HCRTR2: variants seen among roughly 807,000 people sequenced by gnomAD.
The protein encoded by HCRTR2 is hypocretin receptor 2, also known as orexin receptor type 2.
A neutral mutation model predicts 49.0 loss-of-function variants in HCRTR2; 22 were observed. The observed-to-expected ratio is 0.45, with a 90% CI of 0.32 to 0.64. HCRTR2 has a LOEUF of 0.64. Ranked by LOEUF, HCRTR2 falls within the 30% of genes least tolerant of loss-of-function variation. The probability of loss-of-function intolerance (pLI) is 0.04; values close to 1 mark genes in which losing one functional copy is unlikely to be tolerated. For missense variants in HCRTR2, 491 were observed against 559.4 expected (o/e 0.88, Z 1.23); for synonymous variants, 236 against 205.3 (o/e 1.15, Z -1.28).
chr6:55,244,841 G>T (rs906301787), intron 1 of HCRTR2, among the ~76,000 whole-genome samples: 1 of 151,950 alleles, frequency 6.6e-6, no homozygotes, highest in African/African-American at 2.4e-5. Flanking sequence ...ATTTGTATAT[G>T]GTGAGAGATA....
At chr6:55,217,768 C>T (rs1765815429) in intron 1 of HCRTR2, among the ~76,000 whole-genome samples, 1 of 152,182 alleles carries the variant, frequency 6.6e-6, no homozygotes, top group Admixed American at 6.5e-5. Context: ...ACCCTTAACA[C>T]TCTATTTACA....
Position 55,129,283 on chromosome 6 carries a change from T to G in HCRTR2, c.-378+22738T>G, listed in dbSNP as rs115970995. The stretch of plus-strand genomic sequence containing the variant: ...TCATATCCCCTTGTGTTTTCAAATC[T>G]CCTCAAAATCAACATATCAGAAATT... On this transcript the variant is annotated intron_variant, in intron 1 of 7. Coordinates refer to the HCRTR2 transcript ENST00000615358. 1.7e-3 allele frequency among the ~76,000 whole-genome samples: 259 copies of G among 152,204 alleles called. 1 individual carries two copies. Among genetic ancestry groups the G allele is most frequent in the African/African-American group, 5.6e-3 (234 of 41,566 alleles).
At chr6:55,177,856 G>C (rs1400157016) in intron 1 of HCRTR2, among the ~76,000 whole-genome samples, 1 of 152,072 alleles carries the variant, frequency 6.6e-6, no homozygotes, top group Non-Finnish European at 1.5e-5. Context: ...GGGGAGTAAA[G>C]TTTTAAATAG....
At chr6:55,158,007 G>A (rs540734753) in intron 1 of HCRTR2, among the ~76,000 whole-genome samples, 1 of 152,272 alleles carries the variant, frequency 6.6e-6, no homozygotes, top group East Asian at 1.9e-4. Flanking sequence ...CCATCCAGGA[G>A]GTGGCTGGCA....
intron 1 of HCRTR2, among the ~76,000 whole-genome samples, chr6:55,181,618 T>G (rs1209799320): frequency 6.6e-6 from 1 of 152,178 alleles, no homozygotes; most frequent in Admixed American, 6.5e-5. Flanking sequence ...AACAACATTA[T>G]GAGGTAGGTC....
At chr6:55,255,915 A>G (rs1766644244) in intron 3 of HCRTR2, among the ~76,000 whole-genome samples, 2 of 152,218 alleles carry the variant, frequency 1.3e-5, no homozygotes, top group Non-Finnish European at 2.9e-5. Context: ...TTCATAATAC[A>G]TTATTGCTAC....
chr6:55,124,093 G>GT lies in HCRTR2; in HGVS notation c.-378+17554dup, dbSNP rs1388650838. ...CCTGGATTATTTGATTTTTTGAAGG[G>GT]TTTTTTGTGTCTCTGTCTCCTTCAG... On this transcript the variant is annotated intron_variant, in intron 1 of 7. Coordinates refer to the HCRTR2 transcript ENST00000615358. 2.2e-4 allele frequency among the ~76,000 whole-genome samples: 34 copies of GT among 152,110 alleles called. 1 individual carries two copies. In the East Asian group the frequency reaches 2.9e-3, roughly 13 times the overall value.
chr6:55,223,593 C>T (rs552801737), intron 1 of HCRTR2, among the ~76,000 whole-genome samples: 47 of 152,046 alleles, frequency 3.1e-4, no homozygotes, highest in Non-Finnish European at 5.9e-4. Flanking sequence ...TTACTTTTGT[C>T]ACTTATGTTA....
chr6:55,163,135 G>T (rs1012506701), intron 1 of HCRTR2, among the ~76,000 whole-genome samples: 1 of 152,128 alleles, frequency 6.6e-6, no homozygotes, highest in South Asian at 2.1e-4. Flanking sequence ...ACTTGGAGAG[G>T]CTGAGGCAGG....
At chr6:55,242,133 G>C (rs1156928168) in intron 1 of HCRTR2, among the ~76,000 whole-genome samples, 1 of 151,920 alleles carries the variant, frequency 6.6e-6, no homozygotes, top group African/African-American at 2.4e-5. Context: ...GCCTCCCAAA[G>C]TGCTGGGATT....
At chr6:55,229,756 G>A (rs969211851) in intron 1 of HCRTR2, among the ~76,000 whole-genome samples, 2 of 152,118 alleles carry the variant, frequency 1.3e-5, no homozygotes, top group Non-Finnish European at 2.9e-5. Flanking sequence ...AGGAACTGCT[G>A]TCCAATGAGT....
chr6:55,195,310 T>A (rs1765389865), intron 1 of HCRTR2, among the ~76,000 whole-genome samples: 1 of 152,100 alleles, frequency 6.6e-6, no homozygotes, highest in African/African-American at 2.4e-5. Context: ...TGACAAAGTT[T>A]TAAAATGTAT....
At chr6:55,129,003 C>T (rs1233036997) in intron 1 of HCRTR2, among the ~76,000 whole-genome samples, 1 of 152,096 alleles carries the variant, frequency 6.6e-6, no homozygotes, top group African/African-American at 2.4e-5. Flanking sequence ...TTTGGCTTCT[C>T]CTGGTTCCCT....
At chr6:55,178,509 G>A (rs750448725) in intron 1 of HCRTR2, among the ~76,000 whole-genome samples, 2 of 152,048 alleles carry the variant, frequency 1.3e-5, no homozygotes, top group African/African-American at 2.4e-5. Context: ...AGGGACACAG[G>A]CATATACATA....
chr6:55,220,169 G>C (rs1259930601), intron 1 of HCRTR2, among the ~76,000 whole-genome samples: 2 of 152,120 alleles, frequency 1.3e-5, no homozygotes, highest in Non-Finnish European at 2.9e-5. Flanking sequence ...AATTGAAGAG[G>C]ACGAAGCATT....
chr6:55,107,487 C>T (rs896182566), intron 1 of HCRTR2, among the ~76,000 whole-genome samples: 1 of 152,050 alleles, frequency 6.6e-6, no homozygotes, highest in Non-Finnish European at 1.5e-5. Flanking sequence ...TAAGTACTTA[C>T]TTACTATACA....
intron 1 of HCRTR2, among the ~76,000 whole-genome samples, chr6:55,150,891 T>TACAATAAAGTGAATATC (rs746586383): frequency 3.9e-5 from 6 of 152,168 alleles, no homozygotes; most frequent in African/African-American, 1.4e-4. Flanking sequence ...TCTAGACAAC[T>TACAATAAAGTGAATATC]ACAATAAAGT....
chr6:55,270,894 A>G (rs1766961020), intron 4 of HCRTR2, among the ~76,000 whole-genome samples: 1 of 152,218 alleles, frequency 6.6e-6, no homozygotes, highest in Non-Finnish European at 1.5e-5. Flanking sequence ...GAAAAAACTT[A>G]AAGAAGGACT....
chr6:55,125,098 T>C (rs1041927546), intron 1 of HCRTR2, among the ~76,000 whole-genome samples: 2 of 152,184 alleles, frequency 1.3e-5, no homozygotes, highest in Non-Finnish European at 2.9e-5. Flanking sequence ...AATTGGAACA[T>C]TTAGCCAATT....
Sources: allele counts gnomAD v4.1 joint callset (sites outside exome capture counted in the v4.1 genomes callset), GRCh38; gene constraint gnomAD v4.1.1; transcripts MANE v1.5; gene names NCBI Gene and HGNC (gene_info 2026-07-23, HGNC 2026-07-21).